The following ARSB variants were observed in gnomAD, a reference collection of about 807,000 sequenced individuals.
ARSB encodes N-acetylgalactosamine-4-sulfatase.
A neutral mutation model predicts 50.9 loss-of-function variants in ARSB; 41 were observed. The ratio of observed to expected loss-of-function variants is 0.81; its 90% CI spans 0.63 to 1.04. The LOEUF (loss-of-function observed/expected upper bound fraction) is 1.04, where lower values mean the gene tolerates loss of function less well. Ranked by LOEUF, ARSB falls within the 50% of genes least tolerant of loss-of-function variation. The probability of loss-of-function intolerance (pLI) is 0.00; values close to 1 mark genes in which losing one functional copy is unlikely to be tolerated. For missense variants in ARSB, 672 were observed against 693.3 expected (o/e 0.97, Z 0.35); for synonymous variants, 269 against 284.8 (o/e 0.94, Z 0.56).
At chr5:78,831,906 G>C (rs945746912) in intron 6 of ARSB, among the ~76,000 whole-genome samples, 16 of 152,124 alleles carry the variant, frequency 1.1e-4, no homozygotes, top group African/African-American at 3.9e-4. Flanking sequence ...AAAATGCCTT[G>C]AAAATGATGT....
upstream of ARSB, chr5:78,985,337 C>T: frequency 8.6e-7 from 1 of 1,165,048 alleles, no homozygotes; most frequent in Non-Finnish European, 1.1e-6. Flanking sequence ...GGGGCCTGCT[C>T]CGCCCCGGCG....
chr5:78,853,443 G>A (rs997736241), intron 5 of ARSB, among the ~76,000 whole-genome samples: 3 of 152,198 alleles, frequency 2.0e-5, no homozygotes, highest in Non-Finnish European at 2.9e-5. Flanking sequence ...ATACCCGGCC[G>A]TGTGAGGTGT....
intron 4 of ARSB, among the ~76,000 whole-genome samples, chr5:78,923,520 T>C (rs1239966779): frequency 6.6e-6 from 1 of 152,226 alleles, no homozygotes; most frequent in Non-Finnish European, 1.5e-5. Context: ...TCTTAGTAAG[T>C]GTGGTTTCTA....
intron 2 of ARSB, among the ~76,000 whole-genome samples, chr5:78,966,837 C>A (rs1410715406): frequency 6.6e-6 from 1 of 151,860 alleles, no homozygotes; most frequent in Non-Finnish European, 1.5e-5. Context: ...CTGTTTGCTC[C>A]TCTAGAATTT....
At chr5:78,832,290 G>A (rs1744728589) in intron 6 of ARSB, among the ~76,000 whole-genome samples, 1 of 152,160 alleles carries the variant, frequency 6.6e-6, no homozygotes, top group African/African-American at 2.4e-5. Context: ...GCTGAATGGT[G>A]GGCGTTGTAG....
At chr5:78,933,997 A>G (rs1017179270) in intron 4 of ARSB, among the ~76,000 whole-genome samples, 7 of 152,190 alleles carry the variant, frequency 4.6e-5, no homozygotes, top group African/African-American at 1.7e-4. Flanking sequence ...GTGGAAGGAG[A>G]AAGTCAAAGA....
At chr5:78,838,533 G>C (rs1394881311) in intron 6 of ARSB, among the ~76,000 whole-genome samples, 1 of 152,170 alleles carries the variant, frequency 6.6e-6, no homozygotes, top group East Asian at 1.9e-4. Context: ...AAAAAACAAA[G>C]AAGTAAGGAG....
intron 4 of ARSB, among the ~76,000 whole-genome samples, chr5:78,904,957 T>C (rs1304470071): frequency 1.3e-5 from 2 of 152,322 alleles, no homozygotes; most frequent in East Asian, 3.9e-4. Flanking sequence ...CCCAAAGTGC[T>C]GGGATTACAG....
At chr5:78,851,568 T>TAAG (rs1385115739) in intron 5 of ARSB, among the ~76,000 whole-genome samples, 1 of 152,176 alleles carries the variant, frequency 6.6e-6, no homozygotes, top group Non-Finnish European at 1.5e-5. Flanking sequence ...TGTAGATGTC[T>TAAG]ATTAGGTCCG....
At chr5:78,814,342 A>T (rs1317375000) in intron 6 of ARSB, among the ~76,000 whole-genome samples, 2 of 151,016 alleles carry the variant, frequency 1.3e-5, no homozygotes, top group Non-Finnish European at 3.0e-5. Context: ...CACATCTGCG[A>T]TCCCTTATGA....
intron 6 of ARSB, among the ~76,000 whole-genome samples, chr5:78,829,883 A>G (rs1326304584): frequency 1.3e-5 from 2 of 152,222 alleles, no homozygotes; most frequent in Admixed American, 1.3e-4. Context: ...AGATGGATAT[A>G]TTTATCTTTA....
intron 4 of ARSB, among the ~76,000 whole-genome samples, chr5:78,953,030 C>T (rs1751554420): frequency 6.6e-6 from 1 of 152,172 alleles, no homozygotes; most frequent in Admixed American, 6.5e-5. Flanking sequence ...GAATGACTCC[C>T]AGAATCTGAG....
chr5:78,979,076 A>G (rs1188552356), intron 1 of ARSB, among the ~76,000 whole-genome samples: 2 of 152,230 alleles, frequency 1.3e-5, no homozygotes, highest in Non-Finnish European at 2.9e-5. Context: ...CAAATAATCT[A>G]TCTAGTAAGG....
chr5:78,960,054 T>C (rs1426286036), intron 3 of ARSB, among the ~76,000 whole-genome samples: 1 of 152,228 alleles, frequency 6.6e-6, no homozygotes. Flanking sequence ...CCTGTTCTCA[T>C]CAACTGTCAC....
chr5:78,786,123 A>G (rs920410457), intron 6 of ARSB, among the ~76,000 whole-genome samples: 5 of 152,178 alleles, frequency 3.3e-5, no homozygotes, highest in African/African-American at 1.2e-4. Context: ...CCCAGAAAGA[A>G]ACCCTGCACC....
chr5:78,808,877 CA>C (rs1050735058), intron 6 of ARSB, among the ~76,000 whole-genome samples: 20 of 152,296 alleles, frequency 1.3e-4, no homozygotes, highest in African/African-American at 4.6e-4. Flanking sequence ...TTTTGCTGGA[CA>C]CGGGGTGTCT....
rs1267104707 is a variant in ARSB, at chr5:78,869,686, C to T, written c.1142+15898G>A. On this transcript the variant is annotated intron_variant, in intron 5 of 7. Transcript: ENST00000264914. ...GCAGTGTGTAGAGGGAAATTTATAG[C>T]ACTAAATGCCCACAAGAGAAAGCAG... 5.5e-4 allele frequency among the ~76,000 whole-genome samples: 83 copies of T among 150,588 alleles called. 1 individual carries two copies. The highest frequency in any genetic ancestry group is 4.6e-4 in the Admixed American group (7 of 15,140).
chr5:78,959,218 C>A (rs930705845), intron 3 of ARSB, among the ~76,000 whole-genome samples: 16 of 152,134 alleles, frequency 1.1e-4, no homozygotes, highest in African/African-American at 3.9e-4. Context: ...CCTGCTGCCA[C>A]GTGAAGAAAG....
chr5:78,829,139 G>T (rs1744564411), intron 6 of ARSB, among the ~76,000 whole-genome samples: 1 of 152,338 alleles, frequency 6.6e-6, no homozygotes, highest in African/African-American at 2.4e-5. Flanking sequence ...CTGCCAATCG[G>T]TACCCTGGAT....
Sources: allele counts gnomAD v4.1 joint callset (sites outside exome capture counted in the v4.1 genomes callset), GRCh38; gene constraint gnomAD v4.1.1; transcripts MANE v1.5; gene names NCBI Gene and HGNC (gene_info 2026-07-23, HGNC 2026-07-21).